The following STPG2 variants were observed in gnomAD, a reference collection of about 807,000 sequenced individuals.
STPG2 encodes sperm-tail PG-rich repeat-containing protein 2.
In STPG2, 56 loss-of-function variants were observed where a neutral mutation model predicts 54.2. The ratio of observed to expected loss-of-function variants is 1.03; its 90% CI spans 0.83 to 1.29. The LOEUF is 1.29. STPG2 is among the 50% of genes most tolerant of loss of function. The pLI, the probability that STPG2 is intolerant of heterozygous loss-of-function variation, is 0.00. For missense variants in STPG2, 596 were observed against 544.9 expected (o/e 1.09, Z -0.93); for synonymous variants, 200 against 181.8 (o/e 1.10, Z -0.81).
At chr4:97,556,832 A>C (rs2148870855), downstream of STPG2, among the ~76,000 whole-genome samples, 1 of 152,318 alleles carries the variant, frequency 6.6e-6, no homozygotes, top group Non-Finnish European at 1.5e-5. Flanking sequence ...AAAGTTACTA[A>C]ATAAGAGGAC....
chr4:98,086,798 C>T (rs1243983368), intron 5 of STPG2, among the ~76,000 whole-genome samples: 1 of 151,160 alleles, frequency 6.6e-6, no homozygotes, highest in Non-Finnish European at 1.5e-5. Flanking sequence ...TATCATATTT[C>T]TTCCTCCTCC....
intron 8 of STPG2, among the ~76,000 whole-genome samples, chr4:97,938,332 T>A (rs1578710770): frequency 6.6e-6 from 1 of 152,306 alleles, no homozygotes; most frequent in East Asian, 1.9e-4. Context: ...GCAGCCACAG[T>A]GATAGCTGTC....
At chr4:97,554,250 T>C (rs902649997), downstream of STPG2, among the ~76,000 whole-genome samples, 26 of 152,278 alleles carry the variant, frequency 1.7e-4, no homozygotes, top group Non-Finnish European at 3.4e-4. Context: ...GTATGACTTA[T>C]GGCATCTACC....
intron 3 of STPG2, among the ~76,000 whole-genome samples, chr4:98,119,592 A>G (rs1739618346): frequency 6.6e-6 from 1 of 152,200 alleles, no homozygotes; most frequent in South Asian, 2.1e-4. Context: ...CATTATGGTT[A>G]TAAAAAAGAA....
intron 6 of STPG2, among the ~76,000 whole-genome samples, chr4:97,980,709 A>ATTTTATAAT (rs1450782974): frequency 6.6e-6 from 1 of 152,196 alleles, no homozygotes; most frequent in African/African-American, 2.4e-5. Context: ...TATGTCAGCA[A>ATTTTATAAT]TTTTATAATT....
intron 9 of STPG2, among the ~76,000 whole-genome samples, chr4:97,792,803 T>A (rs1375649185): frequency 6.6e-6 from 1 of 152,280 alleles, no homozygotes; most frequent in South Asian, 2.1e-4. Context: ...CTCTTTGCAG[T>A]GCTTTTTCAT....
rs754628288 is a variant in STPG2, at chr4:97,712,845, A to G, written c.1205-31T>C. ...AGACAACAAATGTAAAAATTATGAT[A>G]AAGTATATTTTAAAATTATTGATTT... On this transcript the variant is annotated intron_variant, in intron 9 of 10. Transcript: ENST00000295268. 6 of 1,448,456 alleles carry G rather than the reference A, an allele frequency of 4.1e-6. No homozygotes were observed. The East Asian group carries it at 1.4e-4, about 34-fold the overall frequency. The allele number at this position is 1,448,456 out of a possible 1,614,324, so 89.7% of individuals were successfully genotyped here. A position where few individuals can be genotyped will look rare whatever the true frequency, so the allele number is the denominator to read the frequency against.
intron 9 of STPG2, among the ~76,000 whole-genome samples, chr4:97,782,504 C>T (rs145079001): frequency 0.012 from 1,897 of 152,148 alleles, 35 homozygotes; most frequent in African/African-American, 0.044. Context: ...CGATACTGAC[C>T]AAGGTAATTT....
intron 10 of STPG2, among the ~76,000 whole-genome samples, chr4:97,652,762 G>T (rs1363001142): frequency 6.6e-6 from 1 of 151,894 alleles, no homozygotes; most frequent in African/African-American, 2.4e-5. Flanking sequence ...AGTTTCATAA[G>T]AACATGAAAA....
intron 8 of STPG2, among the ~76,000 whole-genome samples, chr4:97,843,771 A>G (rs566270235): frequency 6.6e-6 from 1 of 152,026 alleles, no homozygotes; most frequent in Admixed American, 6.6e-5. Flanking sequence ...TGGCAAAACC[A>G]TTTCACATAC....
chr4:97,819,157 T>A (rs1728007927), intron 9 of STPG2, among the ~76,000 whole-genome samples: 1 of 151,772 alleles, frequency 6.6e-6, no homozygotes, highest in Non-Finnish European at 1.5e-5. Flanking sequence ...TTATCCTGCA[T>A]TTTATCACCT....
Position 97,599,833 on chromosome 4 carries a change from A to AAAAAAAG in STPG2, c.1321-40717_1321-40716insCTTTTTT, listed in dbSNP as rs542582284. Among the ~76,000 whole-genome samples, 174 of 147,230 alleles carry AAAAAAAG rather than the reference A, an allele frequency of 1.2e-3. 1 individual carries two copies. The highest frequency in any genetic ancestry group is 4.5e-3 in the African/African-American group (167 of 37,250). On this transcript the variant is annotated intron_variant, in intron 10 of 10. Transcript: ENST00000295268. ...TGTGAGATTCTGTCTCAAAAAAAAA[A>AAAAAAAG]AAAAGAAAAGAAAAGAAAAGGAAAA...
At chr4:97,712,940 T>C (rs1724171939) in intron 9 of STPG2, 126 bp from the exon 10 acceptor site, 2 of 530,112 alleles carry the variant, frequency 3.8e-6, no homozygotes, top group East Asian at 6.5e-5. Flanking sequence ...GAACCCATTG[T>C]TTTTGAATGC....
intron 8 of STPG2, among the ~76,000 whole-genome samples, chr4:97,906,666 C>G (rs1288177982): frequency 1.3e-5 from 2 of 151,916 alleles, no homozygotes; most frequent in African/African-American, 2.4e-5. Context: ...AGCTTATCCA[C>G]CATGATCAAG....
chr4:98,066,026 A>G (rs1014270780), intron 5 of STPG2, among the ~76,000 whole-genome samples: 6 of 151,398 alleles, frequency 4.0e-5, no homozygotes, highest in African/African-American at 1.5e-4. Context: ...ATACCTATCA[A>G]GTAGGTATAT....
chr4:97,743,339 A>G (rs1259744231), intron 9 of STPG2, among the ~76,000 whole-genome samples: 2 of 151,786 alleles, frequency 1.3e-5, no homozygotes, highest in African/African-American at 4.8e-5. Context: ...GATATATTAC[A>G]TTAAATACAC....
chr4:97,454,671 T>TA (rs981777660), intron 4 of STPG2, among the ~76,000 whole-genome samples: 23 of 150,984 alleles, frequency 1.5e-4, no homozygotes, highest in East Asian at 5.8e-4. Context: ...GTTTAAATGT[T>TA]AAAAAAAAAT....
rs1038006896 is a variant in STPG2, at chr4:97,514,656, A to G, written c.462+198043T>C. On this transcript the variant is annotated intron_variant, in intron 4 of 4. Coordinates refer to the STPG2 transcript ENST00000522676. ...TAGCTTCAAGGGTATAGGCTTTTAC[A>G]TACTTGAAAATGCTAGCTGTAGATG... Among the ~76,000 whole-genome samples the G allele has an allele frequency of 3.3e-5, 5 of 152,156 alleles. No individual in the cohort carries two copies. In the East Asian group the frequency reaches 7.7e-4, roughly 24 times the overall value.
chr4:97,483,203 G>T (rs193286269), intron 4 of STPG2, among the ~76,000 whole-genome samples: 1 of 151,766 alleles, frequency 6.6e-6, no homozygotes, highest in Non-Finnish European at 1.5e-5. Flanking sequence ...CAAATACCAT[G>T]ATGAATGGAA....
Sources: gnomAD v4.1 joint callset for allele counts (sites outside exome capture counted in the v4.1 genomes callset) on GRCh38, gnomAD v4.1.1 for gene constraint, MANE v1.5 for transcripts, NCBI Gene and HGNC (gene_info 2026-07-23, HGNC 2026-07-21) for gene names.